Variants in FUT9 observed in about 807,000 individuals in gnomAD.
The protein encoded by FUT9 is fucosyltransferase 9.
A neutral mutation model predicts 29.7 loss-of-function variants in FUT9; 15 were observed. The observed-to-expected ratio is 0.51, with a 90% CI of 0.34 to 0.78. FUT9 has a LOEUF of 0.78. Among genes scored for constraint, FUT9 ranks in the 30% least tolerant of loss-of-function variants. The pLI is 0.01. For synonymous variants in FUT9, 169 were observed against 153.7 expected (o/e 1.10, Z -0.74); for missense variants, 319 against 425.4 (o/e 0.75, Z 2.20).
intron 1 of FUT9, among the ~76,000 whole-genome samples, chr6:96,031,543 G>A (rs1035404223): frequency 6.6e-6 from 1 of 151,394 alleles, no homozygotes; most frequent in Non-Finnish European, 1.5e-5. Context: ...TAGCAAACTG[G>A]TCTAGTAAAA....
intron 1 of FUT9, among the ~76,000 whole-genome samples, chr6:96,079,068 C>T (rs1282175876): frequency 6.6e-6 from 1 of 152,140 alleles, no homozygotes; most frequent in Non-Finnish European, 1.5e-5. Context: ...CTGATCTGCA[C>T]TTTATTTCTT....
At chr6:96,193,187 G>A (rs1177022066) in intron 2 of FUT9, among the ~76,000 whole-genome samples, 1 of 19,626 alleles carries the variant, frequency 5.1e-5, no homozygotes, top group African/African-American at 7.6e-5. Context: ...GGCAACAAAA[G>A]CCAAAATAGA....
chr6:96,143,224 T>C (rs1266187520), intron 2 of FUT9, among the ~76,000 whole-genome samples: 4 of 152,190 alleles, frequency 2.6e-5, no homozygotes, highest in African/African-American at 9.7e-5. Context: ...CTCACCCCTT[T>C]CTGCCATGTG....
chr6:96,153,351 T>TA (rs550786286), intron 2 of FUT9, among the ~76,000 whole-genome samples: 1 of 152,274 alleles, frequency 6.6e-6, no homozygotes, highest in South Asian at 2.1e-4. Flanking sequence ...CTCTTGTCCT[T>TA]AAAATCACAA....
At chr6:96,111,629 G>C (rs1771809657) in intron 1 of FUT9, among the ~76,000 whole-genome samples, 1 of 150,858 alleles carries the variant, frequency 6.6e-6, no homozygotes, top group Non-Finnish European at 1.5e-5. Flanking sequence ...GCCACTTCCT[G>C]GCCCTCATTA....
At chr6:96,072,014 T>C (rs1390578175) in intron 1 of FUT9, among the ~76,000 whole-genome samples, 5 of 152,184 alleles carry the variant, frequency 3.3e-5, no homozygotes, top group Admixed American at 1.3e-4. Context: ...TTCTTTTTAA[T>C]ACTTGCAATG....
intron 2 of FUT9, among the ~76,000 whole-genome samples, chr6:96,123,161 T>A (rs1772064418): frequency 6.7e-6 from 1 of 149,130 alleles, no homozygotes; most frequent in Non-Finnish European, 1.5e-5. Flanking sequence ...AGATTATGCA[T>A]AGTGTCAATT....
intron 2 of FUT9, among the ~76,000 whole-genome samples, chr6:96,159,443 A>T (rs182665225): frequency 3.3e-5 from 5 of 152,282 alleles, no homozygotes; most frequent in Admixed American, 6.5e-5. Flanking sequence ...AGAAATTAGA[A>T]CATAAATTAT....
At chr6:96,064,759 G>A (rs1046533072) in intron 1 of FUT9, among the ~76,000 whole-genome samples, 7 of 151,798 alleles carry the variant, frequency 4.6e-5, no homozygotes, top group Non-Finnish European at 8.8e-5. Flanking sequence ...ATGCATGCAT[G>A]TGCACACACA....
At chr6:96,023,070 T>C (rs1770103146) in intron 1 of FUT9, among the ~76,000 whole-genome samples, 1 of 151,948 alleles carries the variant, frequency 6.6e-6, no homozygotes, top group Non-Finnish European at 1.5e-5. Flanking sequence ...TGTTGGTTTC[T>C]GCTTCATTCA....
At chr6:96,090,394 C>A (rs1050734700) in intron 1 of FUT9, among the ~76,000 whole-genome samples, 2 of 151,506 alleles carry the variant, frequency 1.3e-5, no homozygotes, top group South Asian at 4.2e-4. Context: ...TAAAACAATA[C>A]TTATAGACTA....
chr6:96,034,681 T>C (rs1033539968), intron 1 of FUT9, among the ~76,000 whole-genome samples: 10 of 151,674 alleles, frequency 6.6e-5, no homozygotes, highest in African/African-American at 2.4e-4. Flanking sequence ...GCAATTTAAA[T>C]ATGTGCTTAG....
intron 1 of FUT9, among the ~76,000 whole-genome samples, chr6:96,074,388 A>G (rs1771110628): frequency 6.6e-6 from 1 of 152,200 alleles, no homozygotes; most frequent in Non-Finnish European, 1.5e-5. Context: ...AATGAAAGTA[A>G]TATTGAGTTT....
At chr6:96,153,856 C>G (rs927998065) in intron 2 of FUT9, among the ~76,000 whole-genome samples, 5 of 152,180 alleles carry the variant, frequency 3.3e-5, no homozygotes, top group African/African-American at 1.2e-4. Flanking sequence ...TTTCCTGCCC[C>G]TTTCAGAGAC....
At chr6:96,081,267 T>G (rs1771233042) in intron 1 of FUT9, among the ~76,000 whole-genome samples, 1 of 150,606 alleles carries the variant, frequency 6.6e-6, no homozygotes, top group Non-Finnish European at 1.5e-5. Flanking sequence ...TTGCAATGAT[T>G]CACATGTTCT....
chr6:96,102,320 T>C (rs897300247), intron 1 of FUT9, among the ~76,000 whole-genome samples: 1 of 152,120 alleles, frequency 6.6e-6, no homozygotes, highest in African/African-American at 2.4e-5. Context: ...AATACAGCAC[T>C]AAATTTACCT....
At chr6:96,062,127 C>G (rs1582203168) in intron 1 of FUT9, among the ~76,000 whole-genome samples, 1 of 151,708 alleles carries the variant, frequency 6.6e-6, no homozygotes, top group African/African-American at 2.4e-5. Flanking sequence ...CACCATGGCA[C>G]GTATATACCT....
At chr6:96,133,063 G>A (rs1165969527) in intron 2 of FUT9, among the ~76,000 whole-genome samples, 2 of 151,918 alleles carry the variant, frequency 1.3e-5, no homozygotes, top group Non-Finnish European at 1.5e-5. Flanking sequence ...CGTACCCAAT[G>A]TGTAGTCTTT....
intron 2 of FUT9, among the ~76,000 whole-genome samples, chr6:96,200,954 T>A (rs1056923102): frequency 6.6e-6 from 1 of 152,076 alleles, no homozygotes; most frequent in Non-Finnish European, 1.5e-5. Context: ...TATTTTTGCA[T>A]CTGTGTTCAT....
Sources: gnomAD v4.1 joint callset for allele counts (sites outside exome capture counted in the v4.1 genomes callset) on GRCh38, gnomAD v4.1.1 for gene constraint, MANE v1.5 for transcripts, NCBI Gene and HGNC (gene_info 2026-07-23, HGNC 2026-07-21) for gene names.